Variants in OR5B12 observed in about 807,000 individuals in gnomAD.
OR5B12 encodes olfactory receptor 5B12.
For missense variants in OR5B12, 418 were observed against 377.0 expected, an observed-to-expected ratio of 1.11 and a Z score of -0.90; for synonymous variants, 154 against 138.0, an observed-to-expected ratio of 1.12 and a Z score of -0.81.
Position 58,439,742 on chromosome 11 carries a change from T to A in OR5B12, c.410A>T (p.Asn137Ile). The change falls in exon 2 of 2, where the codon AAT becomes ATT. Residue 137 changes from asparagine (N) to isoleucine (I), a missense_variant. Coordinates refer to ENST00000641921, the MANE Select transcript of OR5B12 (RefSeq NM_001004733.3). ...GCCTATGGCCAGGCAAGCACATACA[T>A]TTGTTGTCATGGTGGTGGTGTAATG... Reference protein sequence around the residue: ...PLHYTTTMTTNVCACLAIGSY... With the variant: ...PLHYTTTMTTIVCACLAIGSY... 1 of 1,614,126 alleles carries A rather than the reference T, an allele frequency of 6.2e-7. No homozygotes were observed. The highest frequency in any genetic ancestry group is 1.1e-5 in the South Asian group (1 of 91,074).
chr11:58,441,801 C>T (rs1855504512), intron 1 of OR5B12, among the ~76,000 whole-genome samples: 1 of 152,122 alleles, frequency 6.6e-6, no homozygotes, highest in Non-Finnish European at 1.5e-5. Flanking sequence ...ATCTCATAAA[C>T]ATGCAAATAT....
At chr11:58,440,552 G>A (rs11229459) in intron 1 of OR5B12, among the ~76,000 whole-genome samples, 32,955 of 152,016 alleles carry the variant, frequency 0.22, 3,551 homozygotes, top group Middle Eastern at 0.31. Flanking sequence ...TTTACATTCA[G>A]TCTAAACTGG....
At position 58,439,172 on chromosome 11, in the gene OR5B12, G is replaced by A. The variant is rs769478080; in HGVS notation, c.*35C>T. 4 of 1,224,358 alleles carry A rather than the reference G, an allele frequency of 3.3e-6. No individual in the cohort carries two copies. Among genetic ancestry groups the A allele is most frequent in the African/African-American group, 3.1e-5 (2 of 65,272 alleles). 75.8% of individuals were successfully genotyped at this position (1,224,358 alleles called of 1,614,324 possible). On this transcript the variant is annotated 3_prime_UTR_variant, in exon 2 of 2. Coordinates refer to ENST00000641921, the MANE Select transcript of OR5B12 (RefSeq NM_001004733.3). Reference sequence around the variant, plus strand: ...CTTGGTAGACAAAGATTAATATGAGGTGGAAAAAATTATCTTATTGTGAAT... The same window carrying A: ...CTTGGTAGACAAAGATTAATATGAGATGGAAAAAATTATCTTATTGTGAAT...
At chr11:58,440,778 A>G (rs1324671680) in intron 1 of OR5B12, among the ~76,000 whole-genome samples, 1 of 152,210 alleles carries the variant, frequency 6.6e-6, no homozygotes, top group Non-Finnish European at 1.5e-5. Flanking sequence ...AACCCTTAAA[A>G]AAATCTTCAA....
rs370094120 is a variant in OR5B12 at position 58,440,194 on chromosome 11, C to T, written c.-19-24G>A. ...CCCTGTAGAAATGAAAAGGCAGAAT[C>T]AGAATGATAAATGGAGGGAGGACTA... On this transcript the variant is annotated intron_variant, in intron 1 of 1. Transcript: ENST00000641921. The T allele has an allele frequency of 9.4e-6, 13 of 1,382,134 alleles. No homozygotes were observed. The African/African-American group carries it at 1.0e-4, about 11-fold the overall frequency. 85.6% of individuals were successfully genotyped at this position (1,382,134 alleles called of 1,614,324 possible).
At chr11:58,441,529 A>T (rs976511812) in intron 1 of OR5B12, among the ~76,000 whole-genome samples, 1 of 152,152 alleles carries the variant, frequency 6.6e-6, no homozygotes, top group South Asian at 2.1e-4. Flanking sequence ...TTTATGTCAC[A>T]TGATAAGTAA....
At position 58,439,320 on chromosome 11, in the gene OR5B12, T is replaced by G; in HGVS notation, c.832A>C (p.Ile278Leu). 1 of 1,613,890 alleles carries G rather than the reference T, an allele frequency of 6.2e-7. No homozygotes were observed. Among genetic ancestry groups the G allele is most frequent in the Non-Finnish European group, 8.5e-7 (1 of 1,179,830 alleles). Residue 278 changes from isoleucine to leucine, a missense_variant, in exon 2 of 2, where the codon ATA (isoleucine) becomes CTA (leucine). Ile to Leu is a conservative substitution (Grantham distance 5, BLOSUM62 2). Coordinates refer to ENST00000641921, the MANE Select transcript of OR5B12 (RefSeq NM_001004733.3). ...TDKMASVFYAIVIPMLNPLVY... is the reference protein window; with the variant it reads ...TDKMASVFYALVIPMLNPLVY... ...AGTGGATTCAACATGGGAATGACTATGGCATAGAACACAGATGCCATTTTG... is the reference window on the plus strand; with the variant it reads ...AGTGGATTCAACATGGGAATGACTAGGGCATAGAACACAGATGCCATTTTG...
In OR5B12 at chr11:58,439,667, A is replaced by C; in HGVS notation, c.485T>G (p.Phe162Cys). 1 of 1,614,166 alleles carries C rather than the reference A, an allele frequency of 6.2e-7. No homozygotes were observed. The highest frequency in any genetic ancestry group is 8.5e-7 in the Non-Finnish European group (1 of 1,180,014). Residue 162 changes from phenylalanine (F) to cysteine (C), a missense_variant, in exon 2 of 2, where the codon TTC becomes TGC. Physicochemically the swap from Phe to Cys is radical, Grantham distance 205. Transcript: ENST00000641921. ...LNASIHTGNT[F>C]RLSFCRSNVV... Reference sequence around the variant, plus strand: ...ATTGGATCTACAGAAGGAGAGCCTGAAAGTGTTCCCAGTATGAATGGATGC... The same window carrying C: ...ATTGGATCTACAGAAGGAGAGCCTGCAAGTGTTCCCAGTATGAATGGATGC...
chr11:58,439,508 G>A lies in OR5B12; in HGVS notation c.644C>T (p.Ser215Phe), dbSNP rs1402355071. Residue 215 changes from serine (S) to phenylalanine (F), a missense_variant, in exon 2 of 2, where the codon TCC becomes TTC. Physicochemically the swap from Ser to Phe is radical, Grantham distance 155 (BLOSUM62 -2). Coordinates refer to ENST00000641921, the MANE Select transcript of OR5B12 (RefSeq NM_001004733.3). Reference sequence around the variant, plus strand: ...GATGGTGATAAATATAAATAAGTAGGAGATCAAGATTACCAGGATAGAAAA... The same window carrying A: ...GATGGTGATAAATATAAATAAGTAGAAGATCAAGATTACCAGGATAGAAAA... Reference protein sequence around the residue: ...DLFSILVILISYLFIFITIMK... With the variant: ...DLFSILVILIFYLFIFITIMK... 3 of 1,613,922 alleles carry A rather than the reference G, an allele frequency of 1.9e-6. No homozygotes were observed. The South Asian group carries it at 3.3e-5, about 18-fold the overall frequency.
rs2119969595 is a variant in OR5B12 at position 58,439,107 on chromosome 11, A to C, written c.*100T>G. The C allele has an allele frequency of 3.6e-6, 2 of 551,312 alleles. No homozygotes were observed. Among genetic ancestry groups the C allele is most frequent in the East Asian group, 6.0e-5 (2 of 33,276 alleles). The allele number at this position is 551,312 out of a possible 1,614,324, so 34.2% of individuals were successfully genotyped here. A position where few individuals can be genotyped will look rare whatever the true frequency, so the allele number is the denominator to read the frequency against. On this transcript the variant is annotated 3_prime_UTR_variant, in exon 2 of 2. Transcript: ENST00000641921. ...GGCCAATTCATATGTTTAAGAAAAC[A>C]GTCAATAGAAACTGTCCATGAGGAA... is the stretch of plus-strand genomic sequence containing the variant.
intron 1 of OR5B12, among the ~76,000 whole-genome samples, chr11:58,441,773 G>GGGTTTCAT (rs1256579883): frequency 6.6e-6 from 1 of 151,984 alleles, no homozygotes; most frequent in Non-Finnish European, 1.5e-5. Flanking sequence ...GTTTAAATTT[G>GGGTTTCAT]GGTTTCATCC....
In OR5B12 at chr11:58,439,597, G is replaced by C. The variant is rs749602485; in HGVS notation, c.555C>G (p.Leu185=). The C allele has an allele frequency of 1.9e-6, 3 of 1,614,060 alleles. No individual in the cohort carries two copies. The highest frequency in any genetic ancestry group is 3.3e-5 in the Admixed American group (2 of 59,956). The part of the protein sequence containing the change: ...FFCDAPPLLT[L]SCSDNYISEM... The stretch of plus-strand genomic sequence containing the variant: ...CACTGATGTAGTTGTCTGAACATGA[G>C]AGAGTCAAGAGAGGAGGAGCATCAC... Residue 185 remains leucine (L), a synonymous_variant, in exon 2 of 2, where the codon CTC becomes CTG. Coordinates refer to ENST00000641921, the MANE Select transcript of OR5B12 (RefSeq NM_001004733.3).
rs538678065 is a variant in OR5B12 at position 58,439,521 on chromosome 11, C to T, written c.631G>A (p.Val211Ile). 2.1e-4 allele frequency: 346 copies of T among 1,613,834 alleles called. 2 individuals carry two copies. In the South Asian group the frequency reaches 3.6e-3, roughly 17 times the overall value. Residue 211 changes from valine to isoleucine, a missense_variant, in exon 2 of 2, where the codon GTA becomes ATA. Transcript: ENST00000641921. The stretch of plus-strand genomic sequence containing the variant: ...ATAAATAAGTAGGAGATCAAGATTA[C>T]CAGGATAGAAAAGAGGTCATTGAAT... Reference protein sequence around the residue: ...VGFNDLFSILVILISYLFIFI... With the variant: ...VGFNDLFSILIILISYLFIFI...
At chr11:58,441,620 C>A (rs1436848958) in intron 1 of OR5B12, among the ~76,000 whole-genome samples, 1 of 152,036 alleles carries the variant, frequency 6.6e-6, no homozygotes, top group African/African-American at 2.4e-5. Context: ...TATTTGAGAA[C>A]CAACATGATG....
chr11:58,439,819 G>A lies in OR5B12; in HGVS notation c.333C>T (p.Phe111=), dbSNP rs1246743704. Residue 111 remains phenylalanine (F), a synonymous_variant, in exon 2 of 2, where the codon TTC becomes TTT. Coordinates refer to ENST00000641921, the MANE Select transcript of OR5B12 (RefSeq NM_001004733.3). ...GGTCATAGGCCATTGATGCCAGGAG[G>A]AAACTTTCTGCAGTGATAAAGGCTA... ...FFVAFITAES[F]LLASMAYDRY... The A allele has an allele frequency of 1.9e-6, 3 of 1,614,058 alleles. No homozygotes were observed. The highest frequency in any genetic ancestry group is 1.7e-5 in the Admixed American group (1 of 59,996).
Position 58,440,187 on chromosome 11 carries a change from G to T in OR5B12, c.-19-17C>A, listed in dbSNP as rs367865017. ...GTAGCTGCCCTGTAGAAATGAAAAG[G>T]CAGAATCAGAATGATAAATGGAGGG... On this transcript the variant is annotated splice_polypyrimidine_tract_variant and intron_variant, in intron 1 of 1. Coordinates refer to ENST00000641921, the MANE Select transcript of OR5B12 (RefSeq NM_001004733.3). 1.0e-4 allele frequency: 145 copies of T among 1,423,668 alleles called. No homozygotes were observed. Among genetic ancestry groups the T allele is most frequent in the Non-Finnish European group, 1.3e-4 (137 of 1,039,058 alleles). The allele number at this position is 1,423,668 out of a possible 1,614,324, so 88.2% of individuals were successfully genotyped here.
rs1365504789 is a variant in OR5B12, at chr11:58,439,236, C to T, written c.916G>A (p.Ala306Thr). The change falls in exon 2 of 2, where the codon GCA becomes ACA. Residue 306 changes from alanine (A) to threonine (T), a missense_variant. By Grantham distance (58) the Ala-to-Thr change is moderately conservative (BLOSUM62 0). Coordinates refer to ENST00000641921, the MANE Select transcript of OR5B12 (RefSeq NM_001004733.3). Reference protein sequence around the residue: ...KSAFKKTVGKAKASIGFIF With the variant: ...KSAFKKTVGKTKASIGFIF ...AATATGAATCCTATAGAGGCCTTTGCCTTCCCTACAGTCTTTTTAAAGGCA... is the reference window on the plus strand; with the variant it reads ...AATATGAATCCTATAGAGGCCTTTGTCTTCCCTACAGTCTTTTTAAAGGCA... 10 of 1,601,838 alleles carry T rather than the reference C, an allele frequency of 6.2e-6. No individual in the cohort carries two copies. In the African/African-American group the frequency reaches 6.7e-5, roughly 11 times the overall value.
intron 1 of OR5B12, among the ~76,000 whole-genome samples, chr11:58,441,059 C>G (rs187192481): frequency 6.6e-6 from 1 of 151,912 alleles, no homozygotes; most frequent in East Asian, 1.9e-4. Context: ...TTGCTCAGAA[C>G]TGTGTGATAG....
intron 1 of OR5B12, among the ~76,000 whole-genome samples, chr11:58,441,415 AT>A (rs1353747522): frequency 1.3e-5 from 2 of 152,172 alleles, no homozygotes; most frequent in Non-Finnish European, 2.9e-5. Flanking sequence ...ATATTATCAT[AT>A]TTCCTGAAAA....
Sources: allele counts gnomAD v4.1 joint callset (sites outside exome capture counted in the v4.1 genomes callset), GRCh38; gene constraint gnomAD v4.1.1; transcripts MANE v1.5; gene names NCBI Gene and HGNC (gene_info 2026-07-23, HGNC 2026-07-21).